STAB2: variants seen among roughly 807,000 people sequenced by gnomAD.
The protein encoded by STAB2 is stabilin-2.
In STAB2, 288 loss-of-function variants were observed where a neutral mutation model predicts 338.1. That is an observed-to-expected ratio of 0.85 (90% CI 0.77 to 0.94). STAB2 has a LOEUF of 0.94. Ranked by LOEUF, STAB2 falls within the 40% of genes least tolerant of loss-of-function variation. STAB2 has a pLI of 0.00. For missense variants in STAB2, 3,141 were observed against 3,210.1 expected, an observed-to-expected ratio of 0.98 and a Z score of 0.52; for synonymous variants, 1,202 against 1,193.3, an observed-to-expected ratio of 1.01 and a Z score of -0.15.
At chr12:103,603,583 C>T (rs971883007) in intron 3 of STAB2, among the ~76,000 whole-genome samples, 1 of 152,162 alleles carries the variant, frequency 6.6e-6, no homozygotes, top group African/African-American at 2.4e-5. Context: ...TATGTCTATC[C>T]TTCCATGAAT....
chr12:103,632,616 C>T (rs1325899329), intron 6 of STAB2, among the ~76,000 whole-genome samples: 2 of 152,156 alleles, frequency 1.3e-5, no homozygotes, highest in African/African-American at 4.8e-5. Context: ...TAGGTCCAGG[C>T]CAAGGATGCA....
In STAB2 at chr12:103,729,142, A is replaced by G. The variant is rs1881440211; in HGVS notation, c.5082+147A>G. Reference sequence around the variant, plus strand: ...ATGTCCTCACTTACAAGTGGGAGCTAAATAATGAGAATTCACGGACACATA... The same window carrying G: ...ATGTCCTCACTTACAAGTGGGAGCTGAATAATGAGAATTCACGGACACATA... On this transcript the variant is annotated intron_variant, in intron 48 of 68. Coordinates refer to ENST00000388887, the MANE Select transcript of STAB2 (RefSeq NM_017564.10). 5.5e-6 allele frequency: 4 copies of G among 727,438 alleles called. No homozygotes were observed. The South Asian group carries it at 7.2e-5, about 13-fold the overall frequency. The allele number at this position is 727,438 out of a possible 1,614,324, so 45.1% of individuals were successfully genotyped here. A position where few individuals can be genotyped will look rare whatever the true frequency, so the allele number is the denominator to read the frequency against.
rs192632446 is a variant in STAB2, at chr12:103,749,473, G to A, written c.6438+317G>A. On this transcript the variant is annotated intron_variant, in intron 59 of 68. Transcript: ENST00000388887. ...AGGGGAAAGTGGGTAGAGAGTATAG[G>A]AGAGTTTGCTCTTTGGCCACCCTTC... Among the ~76,000 whole-genome samples the A allele has an allele frequency of 9.5e-4, 144 of 152,228 alleles. 1 individual carries two copies. The highest frequency in any genetic ancestry group is 3.2e-3 in the African/African-American group (131 of 41,536).
In STAB2 at chr12:103,650,529, G is replaced by A. The variant is rs1873660068; in HGVS notation, c.1208G>A (p.Gly403Glu). ...KAYAWPLSKL[G>E]PFTVLLPTDK... ...TATGCCTGGCCACTGAGTAAGCTGG[G>A]ACCCTTCACGGTGCTGTTACCTACA... Residue 403 changes from glycine to glutamate, a missense_variant, in exon 11 of 69, where the codon GGA (glycine) becomes GAA (glutamate). By Grantham distance (98) the Gly-to-Glu change is moderately conservative (BLOSUM62 -2). Transcript: ENST00000388887. The A allele has an allele frequency of 1.9e-6, 3 of 1,613,218 alleles. No individual in the cohort carries two copies. Among genetic ancestry groups the A allele is most frequent in the Non-Finnish European group, 2.5e-6 (3 of 1,179,400 alleles).
At chr12:103,628,377 G>A (rs1188256829) in intron 5 of STAB2, among the ~76,000 whole-genome samples, 1 of 152,184 alleles carries the variant, frequency 6.6e-6, no homozygotes, top group Non-Finnish European at 1.5e-5. Context: ...GGGGCCTTGG[G>A]TGCAAAATTT....
intron 19 of STAB2, 167 bp from the exon 20 acceptor site, chr12:103,668,476 G>T (rs1875380068): frequency 4.9e-6 from 3 of 610,168 alleles, no homozygotes; most frequent in African/African-American, 1.8e-5. Context: ...CTAAAAAAGG[G>T]TGTCCAAGCT....
Position 103,746,640 on chromosome 12 carries a change from CT to C in STAB2, c.6181del (p.Cys2061ValfsTer64), listed in dbSNP as rs1883058484. The C allele has an allele frequency of 6.2e-7, 1 of 1,614,014 alleles. No individual in the cohort carries two copies. Among genetic ancestry groups the C allele is most frequent in the African/African-American group, 1.3e-5 (1 of 74,924 alleles). The part of the protein sequence containing the change: ...CTPPCSAHAT[C>X]KENNTCECNL... ...CGCCTCCTTGTTCTGCTCATGCCAC[CT>C]GTAAGGAGAACAACACGTGTGAGTG... On this transcript the variant is annotated frameshift_variant, in exon 58 of 69. Transcript: ENST00000388887. LOFTEE classifies it high-confidence loss of function.
intron 40 of STAB2, among the ~76,000 whole-genome samples, chr12:103,711,827 T>C (rs960896541): frequency 6.6e-6 from 1 of 152,204 alleles, no homozygotes; most frequent in African/African-American, 2.4e-5. Context: ...ATAAACCTTG[T>C]TCCTGACTCA....
At chr12:103,738,601 C>T (rs1882337524) in intron 53 of STAB2, among the ~76,000 whole-genome samples, 2 of 152,218 alleles carry the variant, frequency 1.3e-5, no homozygotes, top group Admixed American at 1.3e-4. Context: ...GAGATGAAAC[C>T]AGTTGTCCTT....
chr12:103,711,579 C>T (rs1455861482), intron 40 of STAB2, 63 bp downstream of exon 40: 3 of 1,570,324 alleles, frequency 1.9e-6, no homozygotes, highest in Non-Finnish European at 1.7e-6. Flanking sequence ...ATATTGTCTA[C>T]CCTAGTCTCT....
chr12:103,613,993 C>T (rs1020134396), intron 3 of STAB2, among the ~76,000 whole-genome samples: 1 of 152,010 alleles, frequency 6.6e-6, no homozygotes, highest in Non-Finnish European at 1.5e-5. Context: ...TATCTTTCTT[C>T]TTTTTTAACT....
At chr12:103,725,227 A>G (rs1305320090) in intron 45 of STAB2, 133 bp downstream of exon 45, 11 of 1,395,220 alleles carry the variant, frequency 7.9e-6, no homozygotes, top group Non-Finnish European at 1.1e-5. Context: ...ATTTTACATA[A>G]ATCAGCAATG....
At chr12:103,765,990 C>T in intron 68 of STAB2, 1 of 522,938 alleles carries the variant, frequency 1.9e-6, no homozygotes, top group Middle Eastern at 2.9e-4. Context: ...TAATTTAATC[C>T]TCCTACCTCC....
chr12:103,587,569 C>T lies in STAB2; in HGVS notation c.81+12C>T. ...AAACCACAGGGCAGGTAAGAGGAGA[C>T]TTACATATTTTTTTCATTTGTTAAT... On this transcript the variant is annotated intron_variant, in intron 1 of 68. Coordinates refer to ENST00000388887, the MANE Select transcript of STAB2 (RefSeq NM_017564.10). 1.2e-6 allele frequency: 2 copies of T among 1,609,522 alleles called. No homozygotes were observed. Among genetic ancestry groups the T allele is most frequent in the Non-Finnish European group, 1.7e-6 (2 of 1,176,324 alleles).
intron 27 of STAB2, among the ~76,000 whole-genome samples, chr12:103,686,156 T>C (rs1256593812): frequency 2.0e-5 from 3 of 152,226 alleles, no homozygotes; most frequent in African/African-American, 7.2e-5. Flanking sequence ...AACTCCCTGC[T>C]GTTGAGTTCC....
intron 33 of STAB2, among the ~76,000 whole-genome samples, chr12:103,696,996 G>A (rs950179432): frequency 3.3e-5 from 5 of 152,136 alleles, no homozygotes; most frequent in South Asian, 2.1e-4. Flanking sequence ...AACTGAAAAC[G>A]GTGTTTGAAT....
chr12:103,725,352 C>A (rs1180649864), intron 45 of STAB2, among the ~76,000 whole-genome samples: 2 of 152,198 alleles, frequency 1.3e-5, no homozygotes, highest in African/African-American at 4.8e-5. Flanking sequence ...GAATTCAGTT[C>A]TCCTGGTTGG....
At chr12:103,668,062 A>G (rs1875333966) in intron 19 of STAB2, among the ~76,000 whole-genome samples, 1 of 152,222 alleles carries the variant, frequency 6.6e-6, no homozygotes, top group South Asian at 2.1e-4. Flanking sequence ...AGAAACATCC[A>G]CATAGAATTG....
chr12:103,715,906 C>T lies in STAB2; in HGVS notation c.4611+18C>T, dbSNP rs776498082. 8.7e-6 allele frequency: 14 copies of T among 1,613,640 alleles called. No homozygotes were observed. In the African/African-American group the frequency reaches 1.5e-4, roughly 17 times the overall value. On this transcript the variant is annotated intron_variant, in intron 43 of 68. Transcript: ENST00000388887. ...CCAACCAGGTGAGTGCCACCTCTCC[C>T]AGGCCCTTAGGTTTCCTAAAAGGGA...
Sources: gnomAD v4.1 joint callset for allele counts (sites outside exome capture counted in the v4.1 genomes callset) on GRCh38, gnomAD v4.1.1 for gene constraint, MANE v1.5 for transcripts, NCBI Gene and HGNC (gene_info 2026-07-23, HGNC 2026-07-21) for gene names.